The following B4GALNT2 variants were observed in gnomAD, a reference collection of about 807,000 sequenced individuals.
The protein encoded by B4GALNT2 is N-acetylneuraminylgalactosylglucosyl-glucoside beta-1,4-N- acetylgalactosaminyltransferase 2.
A neutral mutation model predicts 51.1 loss-of-function variants in B4GALNT2; 42 were observed. The ratio of observed to expected loss-of-function variants is 0.82; its 90% CI spans 0.64 to 1.06. The LOEUF is 1.06. B4GALNT2 is among the 50% of genes least tolerant of loss of function. The pLI is 0.00. For synonymous variants in B4GALNT2, 253 were observed against 251.7 expected, an observed-to-expected ratio of 1.01 and a Z score of -0.05; for missense variants, 602 against 633.6, an observed-to-expected ratio of 0.95 and a Z score of 0.54.
intron 1 of B4GALNT2, among the ~76,000 whole-genome samples, chr17:49,138,597 G>A (rs1297272765): frequency 1.3e-5 from 2 of 152,200 alleles, no homozygotes; most frequent in Admixed American, 1.3e-4. Context: ...ACTTCTCTCA[G>A]CCAGCCTTGG....
intron 7 of B4GALNT2, among the ~76,000 whole-genome samples, 194 bp from the exon 8 acceptor site, chr17:49,163,894 A>G (rs2042886282): frequency 6.6e-6 from 1 of 152,128 alleles, no homozygotes; most frequent in East Asian, 1.9e-4. Flanking sequence ...AATGCAACAA[A>G]TTGGGTATGT....
chr17:49,151,883 G>A (rs2042759845), intron 3 of B4GALNT2, among the ~76,000 whole-genome samples: 1 of 152,110 alleles, frequency 6.6e-6, no homozygotes, highest in Admixed American at 6.5e-5. Context: ...TTCAGCGGTA[G>A]GAGAAGTTCC....
intron 1 of B4GALNT2, among the ~76,000 whole-genome samples, chr17:49,140,779 C>T (rs969790217): frequency 9.5e-5 from 13 of 137,354 alleles, no homozygotes; most frequent in African/African-American, 2.5e-4. Context: ...AGTGCAGTGG[C>T]GTGATCTTGG....
At chr17:49,140,077 G>A (rs1335318184) in intron 1 of B4GALNT2, among the ~76,000 whole-genome samples, 2 of 149,120 alleles carry the variant, frequency 1.3e-5, no homozygotes, top group Non-Finnish European at 1.5e-5. Context: ...TAATAACCAC[G>A]TGAATAAAAG....
At position 49,170,082 on chromosome 17, in the gene B4GALNT2, G is replaced by T. The variant is rs1169500493; in HGVS notation, c.*354G>T. 3.2e-5 allele frequency: 6 copies of T among 189,298 alleles called. No homozygotes were observed. Among genetic ancestry groups the T allele is most frequent in the Non-Finnish European group, 5.4e-5 (5 of 92,460 alleles). 11.7% of individuals were successfully genotyped at this position (189,298 alleles called of 1,614,324 possible). ...AAGAACAGCTGCCTGGTCCTTGATA[G>T]TTGTTTGGTGGAAATTCTGTCACAG... On this transcript the variant is annotated 3_prime_UTR_variant, in exon 11 of 11. Coordinates refer to ENST00000393354, the MANE Select transcript of B4GALNT2 (RefSeq NM_001159387.2).
intron 2 of B4GALNT2, 114 bp from the exon 3 acceptor site, chr17:49,141,921 G>T: frequency 5.2e-6 from 7 of 1,354,002 alleles, no homozygotes; most frequent in Non-Finnish European, 7.2e-6. Context: ...GAACAGTTGG[G>T]TGTAGGAAAG....
At chr17:49,166,613 G>T (rs2042913778) in intron 9 of B4GALNT2, among the ~76,000 whole-genome samples, 1 of 152,040 alleles carries the variant, frequency 6.6e-6, no homozygotes, top group Non-Finnish European at 1.5e-5. Context: ...AGTATAAATG[G>T]TACAAAGCTT....
chr17:49,164,101 A>G lies in B4GALNT2; in HGVS notation c.780A>G (p.Arg260=). ...TTTTCTGCCCAGAGAGGAAGCTCAGAAACCTGGTTACCATTGCTACCAAGA... is the reference window on the plus strand; with the variant it reads ...TTTTCTGCCCAGAGAGGAAGCTCAGGAACCTGGTTACCATTGCTACCAAGA... ...LYDPGPERKL[R]NLVTIATKTF... The change falls in exon 8 of 11, where the codon AGA becomes AGG. Residue 260 remains arginine (R), a synonymous_variant. Coordinates refer to ENST00000393354, the MANE Select transcript of B4GALNT2 (RefSeq NM_001159387.2). The G allele has an allele frequency of 6.2e-7, 1 of 1,614,034 alleles. No individual in the cohort carries two copies.
At position 49,175,302 on chromosome 17, in the gene B4GALNT2, C is replaced by T. The variant is rs906847744; in HGVS notation, c.*5574C>T. 1.4e-4 allele frequency: 21 copies of T among 152,154 alleles called. No individual in the cohort carries two copies. Among genetic ancestry groups the T allele is most frequent in the African/African-American group, 4.1e-4 (17 of 41,440 alleles). 9.4% of individuals were successfully genotyped at this position (152,154 alleles called of 1,614,324 possible). A position where few individuals can be genotyped will look rare whatever the true frequency, so the allele number is the denominator to read the frequency against. ...TTGTTTATTTGTGCTTCCAAATTCTCCTATTCGTTTAATTTCACTTTTCCC... is the reference window on the plus strand; with the variant it reads ...TTGTTTATTTGTGCTTCCAAATTCTTCTATTCGTTTAATTTCACTTTTCCC... On this transcript the variant is annotated 3_prime_UTR_variant, in exon 11 of 11. Coordinates refer to ENST00000393354, the MANE Select transcript of B4GALNT2 (RefSeq NM_001159387.2).
Position 49,150,148 on chromosome 17 carries a change from G to A in B4GALNT2, c.354-2652G>A, listed in dbSNP as rs1018116594. Reference sequence around the variant, plus strand: ...GCCTCTGCCCGGCCGCCCCTACTGGGAAGTGAGGAGCCCCTCTGTCCGGCC... The same window carrying A: ...GCCTCTGCCCGGCCGCCCCTACTGGAAAGTGAGGAGCCCCTCTGTCCGGCC... On this transcript the variant is annotated intron_variant, in intron 3 of 10. Coordinates refer to ENST00000393354, the MANE Select transcript of B4GALNT2 (RefSeq NM_001159387.2). Among the ~76,000 whole-genome samples, 4 of 149,760 alleles carry A rather than the reference G, an allele frequency of 2.7e-5. 1 individual carries two copies. The highest frequency in any genetic ancestry group is 5.9e-5 in the Non-Finnish European group (4 of 67,246).
intron 10 of B4GALNT2, 68 bp from the exon 11 acceptor site, chr17:49,169,455 A>T (rs1437609437): frequency 2.0e-6 from 3 of 1,468,292 alleles, no homozygotes; most frequent in African/African-American, 2.8e-5. Flanking sequence ...CTCCCCCACC[A>T]GACCTAGAAT....
rs547518656 is a variant in B4GALNT2 at position 49,151,930 on chromosome 17, A to C, written c.354-870A>C. 5.3e-5 allele frequency among the ~76,000 whole-genome samples: 8 copies of C among 152,078 alleles called. No individual in the cohort carries two copies. The East Asian group carries it at 1.4e-3, about 26-fold the overall frequency. ...GGAATTGGTCTACTTCTTCCTTTGG[A>C]TATTAAGGACCATGTGATGATTGTC... is the stretch of plus-strand genomic sequence containing the variant. On this transcript the variant is annotated intron_variant, in intron 3 of 10. Transcript: ENST00000393354.
the B4GALNT2 span, among the ~76,000 whole-genome samples, chr17:49,127,388 G>C: frequency 6.6e-6 from 1 of 152,164 alleles, no homozygotes; most frequent in Non-Finnish European, 1.5e-5. Context: ...GAAATTGCTT[G>C]ATTAATAAAT....
At position 49,166,263 on chromosome 17, in the gene B4GALNT2, C is replaced by G; in HGVS notation, c.1095+9C>G. ...AAACAGAACTGGACGTGGTAAGGGACAGTTGCCAGTTTCACCCAGCCACAA... is the reference window on the plus strand; with the variant it reads ...AAACAGAACTGGACGTGGTAAGGGAGAGTTGCCAGTTTCACCCAGCCACAA... On this transcript the variant is annotated intron_variant, in intron 9 of 10. Coordinates refer to ENST00000393354, the MANE Select transcript of B4GALNT2 (RefSeq NM_001159387.2). 1 of 1,587,386 alleles carries G rather than the reference C, an allele frequency of 6.3e-7. No individual in the cohort carries two copies. Among genetic ancestry groups the G allele is most frequent in the Non-Finnish European group, 8.6e-7 (1 of 1,163,740 alleles).
At chr17:49,154,366 A>T (rs1028331337) in intron 4 of B4GALNT2, among the ~76,000 whole-genome samples, 3 of 151,958 alleles carry the variant, frequency 2.0e-5, no homozygotes, top group Admixed American at 6.6e-5. Context: ...ATTTTTACAC[A>T]CCCCTCTAGT....
At chr17:49,125,167 A>G in the B4GALNT2 span, among the ~76,000 whole-genome samples, 4 of 151,914 alleles carry the variant, frequency 2.6e-5, no homozygotes, top group East Asian at 7.7e-4. Flanking sequence ...ATTTTTATTT[A>G]TTTATTTTTG....
At chr17:49,132,618 AGATGGGG>A, upstream of B4GALNT2, 1 of 614,112 alleles carries the variant, frequency 1.6e-6, no homozygotes, top group Non-Finnish European at 2.5e-6. Flanking sequence ...TCCAGGGTAG[AGATGGGG>A]GCGCTGGTGT....
chr17:49,159,036 G>A lies in B4GALNT2; in HGVS notation c.499-1G>A, dbSNP rs191262044. On this transcript the variant is annotated splice_acceptor_variant, in intron 5 of 10. Transcript: ENST00000393354. LOFTEE classifies it high-confidence loss of function. ...GCATCATTCTACCTCACCCACCCTA[G>A]GTCACCCTGACAGCTTCTCTGGGGA... 31 of 1,613,846 alleles carry A rather than the reference G, an allele frequency of 1.9e-5. No individual in the cohort carries two copies. Among genetic ancestry groups the A allele is most frequent in the Non-Finnish European group, 2.5e-5 (30 of 1,179,854 alleles).
rs1303580921 is a variant in B4GALNT2 at position 49,172,846 on chromosome 17, T to C, written c.*3118T>C. ...GAGAAAAGGTGTCCACACATACATGTACATAAGCTAGTCTCCCAAACGAGG... is the reference window on the plus strand; with the variant it reads ...GAGAAAAGGTGTCCACACATACATGCACATAAGCTAGTCTCCCAAACGAGG... On this transcript the variant is annotated 3_prime_UTR_variant, in exon 11 of 11. Coordinates refer to ENST00000393354, the MANE Select transcript of B4GALNT2 (RefSeq NM_001159387.2). 6.6e-6 allele frequency: 1 copy of C among 152,154 alleles called. No homozygotes were observed. Among genetic ancestry groups the C allele is most frequent in the Non-Finnish European group, 1.5e-5 (1 of 68,018 alleles). 9.4% of individuals were successfully genotyped at this position (152,154 alleles called of 1,614,324 possible).
Sources: gnomAD v4.1 joint callset for allele counts (sites outside exome capture counted in the v4.1 genomes callset) on GRCh38, gnomAD v4.1.1 for gene constraint, MANE v1.5 for transcripts, NCBI Gene and HGNC (gene_info 2026-07-23, HGNC 2026-07-21) for gene names.